Variants in SPATA16 observed in about 807,000 individuals in gnomAD.
SPATA16 encodes the protein spermatogenesis associated 16.
SPATA16 carries 36 observed loss-of-function variants against 63.3 expected under a neutral mutation model. The observed-to-expected ratio is 0.57, with a 90% CI of 0.44 to 0.75. The LOEUF (loss-of-function observed/expected upper bound fraction) is 0.75, where lower values mean the gene tolerates loss of function less well. SPATA16 is among the 30% of genes least tolerant of loss of function. The pLI is 0.00. For synonymous variants in SPATA16, 203 were observed against 216.7 expected (o/e 0.94, Z 0.56); for missense variants, 646 against 679.3 (o/e 0.95, Z 0.54).
At chr3:173,030,655 G>A (rs1478413340) in intron 3 of SPATA16, among the ~76,000 whole-genome samples, 2 of 152,112 alleles carry the variant, frequency 1.3e-5, no homozygotes, top group South Asian at 4.1e-4. Context: ...ACCCACTATA[G>A]AACAAAGTAT....
At chr3:173,061,454 G>T (rs981682109) in intron 2 of SPATA16, among the ~76,000 whole-genome samples, 2 of 152,074 alleles carry the variant, frequency 1.3e-5, no homozygotes, top group Admixed American at 6.6e-5. Context: ...CATAGTTATT[G>T]TACTTTTTAA....
At chr3:173,099,748 T>C (rs1737445138) in intron 2 of SPATA16, among the ~76,000 whole-genome samples, 1 of 152,152 alleles carries the variant, frequency 6.6e-6, no homozygotes, top group Non-Finnish European at 1.5e-5. Flanking sequence ...GTGATAGTCA[T>C]GTTGTGTGGG....
intron 10 of SPATA16, among the ~76,000 whole-genome samples, chr3:172,895,754 C>G (rs776973851): frequency 4.6e-5 from 7 of 152,118 alleles, no homozygotes; most frequent in African/African-American, 1.7e-4. Flanking sequence ...TAGTTTATTT[C>G]TTTTTATCAC....
intron 2 of SPATA16, 25 bp from the exon 3 acceptor site, chr3:173,049,119 C>T (rs373829478): frequency 1.9e-6 from 3 of 1,589,066 alleles, no homozygotes; most frequent in South Asian, 1.1e-5. Context: ...GTACTTTCAA[C>T]ATCTTAATAA....
chr3:173,121,998 A>G (rs1456008194), intron 1 of SPATA16, among the ~76,000 whole-genome samples: 1 of 152,196 alleles, frequency 6.6e-6, no homozygotes, highest in Non-Finnish European at 1.5e-5. Flanking sequence ...CTTCAATAAA[A>G]ATACTTAAAA....
At chr3:173,028,584 T>C in intron 3 of SPATA16, among the ~76,000 whole-genome samples, 1 of 151,802 alleles carries the variant, frequency 6.6e-6, no homozygotes, top group Non-Finnish European at 1.5e-5. Flanking sequence ...ATATGGACTG[T>C]TTAAAAATAA....
intron 2 of SPATA16, among the ~76,000 whole-genome samples, chr3:173,077,166 AT>A (rs1736827070): frequency 6.6e-6 from 1 of 152,158 alleles, no homozygotes; most frequent in Non-Finnish European, 1.5e-5. Context: ...GAAACAAAAA[AT>A]AATTCTTCTA....
At chr3:173,023,044 C>A (rs753226521) in intron 3 of SPATA16, among the ~76,000 whole-genome samples, 1 of 151,404 alleles carries the variant, frequency 6.6e-6, no homozygotes, top group Non-Finnish European at 1.5e-5. Flanking sequence ...AATTTGTTAC[C>A]TGTGGTAAAT....
intron 2 of SPATA16, among the ~76,000 whole-genome samples, chr3:173,061,363 A>G (rs1272171919): frequency 6.6e-6 from 1 of 152,234 alleles, no homozygotes; most frequent in East Asian, 1.9e-4. Flanking sequence ...CAATGGATAT[A>G]GGTAACAATC....
At chr3:172,994,723 T>C (rs774417740) in intron 4 of SPATA16, among the ~76,000 whole-genome samples, 2 of 152,202 alleles carry the variant, frequency 1.3e-5, no homozygotes, top group Non-Finnish European at 2.9e-5. Flanking sequence ...TAAAGCATAC[T>C]GCACATACAG....
intron 5 of SPATA16, among the ~76,000 whole-genome samples, chr3:172,960,793 A>G (rs1171332252): frequency 5.3e-5 from 8 of 152,192 alleles, no homozygotes; most frequent in East Asian, 1.9e-4. Context: ...AGAGCACTCA[A>G]GGTAGCCAGA....
intron 3 of SPATA16, among the ~76,000 whole-genome samples, chr3:173,045,682 A>G (rs1037612519): frequency 1.3e-5 from 2 of 152,074 alleles, no homozygotes; most frequent in African/African-American, 4.8e-5. Flanking sequence ...GCTCTGCAAC[A>G]TAACTTATGT....
At chr3:172,925,890 A>C (rs933654754) in intron 6 of SPATA16, among the ~76,000 whole-genome samples, 3 of 151,980 alleles carry the variant, frequency 2.0e-5, no homozygotes, top group Non-Finnish European at 4.4e-5. Flanking sequence ...TAATGGCTCA[A>C]TTTTGGCTCA....
chr3:172,902,714 C>A (rs549034083), intron 10 of SPATA16, among the ~76,000 whole-genome samples: 9 of 152,280 alleles, frequency 5.9e-5, no homozygotes, highest in Admixed American at 3.3e-4. Flanking sequence ...TGTTCCTCTC[C>A]AGAGTCTATT....
intron 5 of SPATA16, among the ~76,000 whole-genome samples, chr3:172,968,204 G>A (rs910989724): frequency 2.6e-5 from 4 of 152,224 alleles, no homozygotes; most frequent in African/African-American, 9.6e-5. Context: ...GAAGCACGCT[G>A]CCCCTTGCAG....
At chr3:173,084,288 G>A (rs374226214) in intron 2 of SPATA16, among the ~76,000 whole-genome samples, 91 of 151,928 alleles carry the variant, frequency 6.0e-4, no homozygotes, top group East Asian at 3.3e-3. Context: ...GCTTTTTATC[G>A]TTTGTTTGTT....
At chr3:172,903,875 TC>T (rs1732179256) in intron 10 of SPATA16, among the ~76,000 whole-genome samples, 1 of 152,134 alleles carries the variant, frequency 6.6e-6, no homozygotes, top group African/African-American at 2.4e-5. Context: ...GACAAAGGAT[TC>T]CCTGCCAAAA....
intron 1 of SPATA16, among the ~76,000 whole-genome samples, chr3:173,137,329 A>C (rs550645230): frequency 3.3e-5 from 5 of 152,300 alleles, no homozygotes; most frequent in African/African-American, 1.2e-4. Flanking sequence ...GATCTGGAAG[A>C]ATAAAAAATA....
chr3:173,008,872 A>C (rs1734998626), intron 4 of SPATA16, among the ~76,000 whole-genome samples: 2 of 152,186 alleles, frequency 1.3e-5, no homozygotes, highest in South Asian at 2.1e-4. Flanking sequence ...AAATTGCTAA[A>C]CTTTTTAAAG....
Sources: allele counts gnomAD v4.1 joint callset (sites outside exome capture counted in the v4.1 genomes callset), GRCh38; gene constraint gnomAD v4.1.1; transcripts MANE v1.5; gene names NCBI Gene and HGNC (gene_info 2026-07-23, HGNC 2026-07-21).